ENTHD1: variants seen among roughly 807,000 people sequenced by gnomAD.
ENTHD1 encodes ENTH domain-containing protein 1.
Under a neutral mutation model 39.1 loss-of-function variants are expected in ENTHD1, and 23 were observed. The observed-to-expected ratio is 0.59, with a 90% CI of 0.42 to 0.83. The LOEUF (loss-of-function observed/expected upper bound fraction) is 0.83, where lower values mean the gene tolerates loss of function less well. Among genes scored for constraint, ENTHD1 ranks in the 40% least tolerant of loss-of-function variants. ENTHD1 has a pLI of 0.00. For missense variants in ENTHD1, 624 were observed against 705.4 expected, an observed-to-expected ratio of 0.88 and a Z score of 1.31; for synonymous variants, 230 against 258.2, an observed-to-expected ratio of 0.89 and a Z score of 1.05.
intron 5 of ENTHD1, among the ~76,000 whole-genome samples, chr22:39,818,796 C>T (rs1253398626): frequency 6.6e-6 from 1 of 152,166 alleles, no homozygotes; most frequent in African/African-American, 2.4e-5. Context: ...TGGGATCCCC[C>T]CTCCGGCTAC....
chr22:39,829,925 C>T, intron 4 of ENTHD1, among the ~76,000 whole-genome samples: 1 of 152,022 alleles, frequency 6.6e-6, no homozygotes. Context: ...AATGCAGTGG[C>T]TATTCACAGG....
At chr22:39,788,554 A>G (rs2065478009) in intron 5 of ENTHD1, among the ~76,000 whole-genome samples, 1 of 152,234 alleles carries the variant, frequency 6.6e-6, no homozygotes. Context: ...CATTGTTGCA[A>G]TGTCATCAAG....
intron 5 of ENTHD1, among the ~76,000 whole-genome samples, chr22:39,780,955 C>T (rs1418124044): frequency 1.3e-5 from 2 of 151,144 alleles, no homozygotes; most frequent in East Asian, 1.9e-4. Flanking sequence ...GCCGAGATTG[C>T]GCCACTGCAC....
intron 5 of ENTHD1, among the ~76,000 whole-genome samples, chr22:39,786,351 C>A (rs2065458194): frequency 6.6e-6 from 1 of 152,014 alleles, no homozygotes; most frequent in Non-Finnish European, 1.5e-5. Context: ...GAATATCTAC[C>A]ACCTCATATA....
rs561108488 is a variant in ENTHD1 at position 39,867,052 on chromosome 22, G to A, written c.350-5045C>T. Among the ~76,000 whole-genome samples, 19 of 152,150 alleles carry A rather than the reference G, an allele frequency of 1.2e-4. No homozygotes were observed. In the East Asian group the frequency reaches 1.5e-3, roughly 12 times the overall value. ...GGAGTAGCTGGGACTACAGGCGCCC[G>A]CCACCAGGCCCGGCTAATTTTTTTG... is the stretch of plus-strand genomic sequence containing the variant. On this transcript the variant is annotated intron_variant, in intron 2 of 6. Coordinates refer to ENST00000325157, the MANE Select transcript of ENTHD1 (RefSeq NM_152512.4). This position sits in a 1 kb window ranked among gnomAD's most constrained non-coding sequence, Gnocchi z 4.5.
rs551127655 is a variant in ENTHD1, at chr22:39,850,619, A to G, written c.592+11146T>C. On this transcript the variant is annotated intron_variant, in intron 3 of 6. Transcript: ENST00000325157. ...CCACTTTATGCTTTTTGCCCTTTAT[A>G]AAATTTTATTTTTTTCTCATTCTAC... 3.0e-4 allele frequency among the ~76,000 whole-genome samples: 46 copies of G among 152,114 alleles called. No individual in the cohort carries two copies. The Middle Eastern group carries it at 0.014, about 45-fold the overall frequency.
chr22:39,867,437 G>C lies in ENTHD1; in HGVS notation c.350-5430C>G, dbSNP rs905496728. 6.6e-6 allele frequency among the ~76,000 whole-genome samples: 1 copy of C among 151,894 alleles called. No homozygotes were observed. The highest frequency in any genetic ancestry group is 1.5e-5 in the Non-Finnish European group (1 of 67,972). ...CTTCTTCCCATATTCCTTTCTCGGTGACTTTTATCTCTACTCTAAGTTAGA... is the reference window on the plus strand; with the variant it reads ...CTTCTTCCCATATTCCTTTCTCGGTCACTTTTATCTCTACTCTAAGTTAGA... On this transcript the variant is annotated intron_variant, in intron 2 of 6. Coordinates refer to ENST00000325157, the MANE Select transcript of ENTHD1 (RefSeq NM_152512.4). This position sits in a 1 kb window ranked among gnomAD's most constrained non-coding sequence, Gnocchi z 4.5.
At chr22:39,855,589 T>TA (rs111260316) in intron 3 of ENTHD1, among the ~76,000 whole-genome samples, 308 of 136,326 alleles carry the variant, frequency 2.3e-3, no homozygotes, top group East Asian at 6.0e-3. Flanking sequence ...TGTGACTTGT[T>TA]AAAAAAAAAA....
chr22:39,748,811 C>T (rs1234782255), intron 6 of ENTHD1, among the ~76,000 whole-genome samples: 1 of 152,152 alleles, frequency 6.6e-6, no homozygotes, highest in East Asian at 1.9e-4. Context: ...TAAATTGATG[C>T]CAGTGGTTCT....
chr22:39,757,690 T>A (rs115642225), intron 6 of ENTHD1, among the ~76,000 whole-genome samples: 4,220 of 151,926 alleles, frequency 0.028, 199 homozygotes, highest in African/African-American at 0.097. Flanking sequence ...AAAAAAAATT[T>A]AAAAATTTTA....
intron 3 of ENTHD1, among the ~76,000 whole-genome samples, chr22:39,853,299 G>A (rs1421204588): frequency 3.9e-5 from 6 of 152,060 alleles, no homozygotes; most frequent in East Asian, 1.9e-4. Context: ...TTGGGAGGCC[G>A]AGGCAGGCAG....
chr22:39,747,089 C>T (rs989384601), intron 6 of ENTHD1, among the ~76,000 whole-genome samples: 3 of 152,094 alleles, frequency 2.0e-5, no homozygotes, highest in African/African-American at 7.2e-5. Flanking sequence ...TGGGCTCAAG[C>T]GATCCTCCCG....
At chr22:39,771,880 A>G (rs1261433013) in intron 5 of ENTHD1, among the ~76,000 whole-genome samples, 2 of 152,230 alleles carry the variant, frequency 1.3e-5, no homozygotes, top group African/African-American at 2.4e-5. Flanking sequence ...CACCAGATGG[A>G]AAGTTGGATC....
rs117992973 is a variant in ENTHD1, at chr22:39,877,702, A to G, written c.349+9698T>C. On this transcript the variant is annotated intron_variant, in intron 2 of 6. Coordinates refer to ENST00000325157, the MANE Select transcript of ENTHD1 (RefSeq NM_152512.4). The stretch of plus-strand genomic sequence containing the variant: ...TGCTTCTAGCAGGGGAAGGAAAAAA[A>G]GGAACCATTCAGAATTTTCCAGAGC... Among the ~76,000 whole-genome samples, 29 of 152,316 alleles carry G rather than the reference A, an allele frequency of 1.9e-4. No homozygotes were observed. In the East Asian group the frequency reaches 2.3e-3, roughly 12 times the overall value.
At chr22:39,846,502 T>G (rs1247080632) in intron 3 of ENTHD1, among the ~76,000 whole-genome samples, 1 of 152,242 alleles carries the variant, frequency 6.6e-6, no homozygotes, top group Non-Finnish European at 1.5e-5. Context: ...TAGATCCCAT[T>G]TGTCGATTTT....
At chr22:39,790,156 G>A (rs1175455869) in intron 5 of ENTHD1, among the ~76,000 whole-genome samples, 2 of 152,182 alleles carry the variant, frequency 1.3e-5, no homozygotes, top group Admixed American at 6.5e-5. Flanking sequence ...TGTGTGAGAT[G>A]AGAAGTCCCT....
intron 5 of ENTHD1, among the ~76,000 whole-genome samples, chr22:39,766,503 G>A (rs1430091647): frequency 3.3e-5 from 5 of 152,102 alleles, no homozygotes; most frequent in Admixed American, 6.6e-5. Flanking sequence ...ACCGGGATAC[G>A]AAAAGAAAGA....
At chr22:39,814,890 G>C in intron 5 of ENTHD1, among the ~76,000 whole-genome samples, 1 of 150,684 alleles carries the variant, frequency 6.6e-6, no homozygotes, top group East Asian at 1.9e-4. Context: ...AAACCATAGA[G>C]AAAAAAAAAT....
At chr22:39,789,265 T>C (rs930451868) in intron 5 of ENTHD1, among the ~76,000 whole-genome samples, 10 of 152,188 alleles carry the variant, frequency 6.6e-5, no homozygotes, top group Admixed American at 5.9e-4. Flanking sequence ...ATCTCTTCCA[T>C]TTTAAATACA....
Sources: allele counts gnomAD v4.1 joint callset (sites outside exome capture counted in the v4.1 genomes callset), GRCh38; gene constraint gnomAD v4.1.1; non-coding constraint Gnocchi (gnomAD v3.1); transcripts MANE v1.5; gene names NCBI Gene and HGNC (gene_info 2026-07-23, HGNC 2026-07-21).